Variants in KIF3C observed in about 807,000 individuals in gnomAD.
KIF3C encodes the protein kinesin-like protein KIF3C.
In KIF3C, 12 loss-of-function variants were observed where a neutral mutation model predicts 67.7. The observed-to-expected ratio is 0.18, with a 90% CI of 0.11 to 0.29. The LOEUF is 0.29. Ranked by LOEUF, KIF3C falls within the 10% of genes least tolerant of loss-of-function variation. The probability of loss-of-function intolerance (pLI) is 1.00; values close to 1 mark genes in which losing one functional copy is unlikely to be tolerated. For missense variants in KIF3C, 789 were observed against 1,059.6 expected (o/e 0.74, Z 3.55); for synonymous variants, 393 against 426.2 (o/e 0.92, Z 0.96).
At position 25,958,740 on chromosome 2, in the gene KIF3C, C is replaced by T. The variant is rs779766734; in HGVS notation, c.1546-2296G>A. ...CTCCCGGTTCCTCTTACTATTCATGCTCTGCGTATGCTCTGTACTCCAGCC... is the reference window on the plus strand; with the variant it reads ...CTCCCGGTTCCTCTTACTATTCATGTTCTGCGTATGCTCTGTACTCCAGCC... On this transcript the variant is annotated intron_variant, in intron 1 of 7. Coordinates refer to ENST00000264712, the MANE Select transcript of KIF3C (RefSeq NM_002254.8). This position sits in a 1 kb window ranked among gnomAD's most constrained non-coding sequence, Gnocchi z 4.5. Among the ~76,000 whole-genome samples the T allele has an allele frequency of 3.4e-4, 51 of 152,178 alleles. No individual in the cohort carries two copies. The highest frequency in any genetic ancestry group is 6.5e-4 in the Non-Finnish European group (44 of 68,032).
Position 25,981,734 on chromosome 2 carries a change from C to T in KIF3C, c.184G>A (p.Ala62Thr), listed in dbSNP as rs1664601098. Residue 62 changes from alanine to threonine, a missense_variant, in exon 1 of 8, where the codon GCC (alanine) becomes ACC (threonine). Transcript: ENST00000264712. The surrounding 1 kb of genome is among the most constrained non-coding windows in gnomAD (Gnocchi z 8.2). Reference protein sequence around the residue: ...GELPKTFTFDAVYDASSKQAD... With the variant: ...GELPKTFTFDTVYDASSKQAD... ...TGCTTGGAGCTGGCATCATACACGG[C>T]GTCAAAGGTGAAGGTCTTGGGCAGC... The T allele has an allele frequency of 6.2e-7, 1 of 1,613,300 alleles. No homozygotes were observed. The highest frequency in any genetic ancestry group is 1.7e-5 in the Admixed American group (1 of 59,964).
At chr2:25,971,968 C>G (rs1319943540) in intron 1 of KIF3C, among the ~76,000 whole-genome samples, 1 of 144,666 alleles carries the variant, frequency 6.9e-6, no homozygotes, top group Non-Finnish European at 1.5e-5. Flanking sequence ...CTCAAGTGAT[C>G]CTCCTACCTC....
At chr2:25,977,999 C>T (rs997370287) in intron 1 of KIF3C, among the ~76,000 whole-genome samples, 1 of 152,178 alleles carries the variant, frequency 6.6e-6, no homozygotes, top group Non-Finnish European at 1.5e-5. Context: ...ATCTGAACAC[C>T]TGGTACATAG....
chr2:25,969,722 T>C (rs1426470365), intron 1 of KIF3C, among the ~76,000 whole-genome samples: 2 of 139,940 alleles, frequency 1.4e-5, no homozygotes, highest in Non-Finnish European at 3.1e-5. Flanking sequence ...TGTTGGGTTT[T>C]TGTTTTTTTT....
chr2:25,969,116 G>C (rs1288096020), intron 1 of KIF3C, among the ~76,000 whole-genome samples: 1 of 152,082 alleles, frequency 6.6e-6, no homozygotes, highest in African/African-American at 2.4e-5. Context: ...GAGCCACCGC[G>C]TCCGGTCAGG....
At chr2:25,937,575 A>G (rs1298774837) in intron 5 of KIF3C, among the ~76,000 whole-genome samples, 1 of 152,120 alleles carries the variant, frequency 6.6e-6, no homozygotes, top group Non-Finnish European at 1.5e-5. Flanking sequence ...GGAGTGGGAA[A>G]ATTAGGAAAA....
chr2:25,952,748 G>C (rs1041577949), intron 4 of KIF3C, among the ~76,000 whole-genome samples: 2 of 151,574 alleles, frequency 1.3e-5, no homozygotes, highest in Non-Finnish European at 2.9e-5. Context: ...AGTAGAGATG[G>C]GGTTTCACCA....
At chr2:25,956,975 G>C (rs561902639) in intron 1 of KIF3C, among the ~76,000 whole-genome samples, 1 of 152,180 alleles carries the variant, frequency 6.6e-6, no homozygotes, top group African/African-American at 2.4e-5. Context: ...GGAACAGCAC[G>C]GGCCCAGCAC....
chr2:25,962,442 C>A (rs1362084526), intron 1 of KIF3C, among the ~76,000 whole-genome samples: 1 of 151,734 alleles, frequency 6.6e-6, no homozygotes, highest in Non-Finnish European at 1.5e-5. Context: ...TGCAATGGCA[C>A]GATCTCGGCT....
chr2:25,952,565 T>A (rs974947308), intron 4 of KIF3C, among the ~76,000 whole-genome samples: 12,189 of 106,438 alleles, frequency 0.11, 520 homozygotes, highest in African/African-American at 0.15. Context: ...ATATATATAT[T>A]TTTTTTTTTT....
At chr2:25,948,838 T>A (rs1370300129) in intron 5 of KIF3C, among the ~76,000 whole-genome samples, 1 of 151,984 alleles carries the variant, frequency 6.6e-6, no homozygotes, top group Non-Finnish European at 1.5e-5. Flanking sequence ...TGAGTCTGGA[T>A]CATGTGCTTG....
chr2:25,941,416 T>C (rs1216467145), intron 5 of KIF3C, among the ~76,000 whole-genome samples: 2 of 152,132 alleles, frequency 1.3e-5, no homozygotes, highest in African/African-American at 4.8e-5. Flanking sequence ...AGGGTATGGA[T>C]GCTGTCACAT....
chr2:25,964,467 A>T (rs557237474), intron 1 of KIF3C, among the ~76,000 whole-genome samples: 1 of 151,062 alleles, frequency 6.6e-6, no homozygotes, highest in Admixed American at 6.6e-5. Context: ...CTTTTTGGTG[A>T]TTTTTCTTTT....
Position 25,981,249 on chromosome 2 carries a change from A to G in KIF3C, c.669T>C (p.Thr223=). 1 of 1,614,150 alleles carries G rather than the reference A, an allele frequency of 6.2e-7. No individual in the cohort carries two copies. Among genetic ancestry groups the G allele is most frequent in the Non-Finnish European group, 8.5e-7 (1 of 1,180,010 alleles). The stretch of plus-strand genomic sequence containing the variant: ...CAGAGCCACGTTCGCTGCACTCCAC[A>G]GTGATGATGAAGATGGCATGGGAGC... ...SSRSHAIFII[T]VECSERGSDG... The change falls in exon 1 of 8, where the codon ACT becomes ACC. Residue 223 remains threonine (T), a synonymous_variant. Coordinates refer to ENST00000264712, the MANE Select transcript of KIF3C (RefSeq NM_002254.8). This position sits in a 1 kb window ranked among gnomAD's most constrained non-coding sequence, Gnocchi z 8.2.
At chr2:25,939,943 C>CT (rs1188059242) in intron 5 of KIF3C, among the ~76,000 whole-genome samples, 2 of 151,842 alleles carry the variant, frequency 1.3e-5, no homozygotes, top group Non-Finnish European at 2.9e-5. Flanking sequence ...GAGTAAAACT[C>CT]TGTCTCAAAA....
intron 1 of KIF3C, among the ~76,000 whole-genome samples, chr2:25,975,686 CA>C (rs937245547): frequency 5.0e-4 from 76 of 152,264 alleles, no homozygotes; most frequent in African/African-American, 1.8e-3. Flanking sequence ...AGGCCAGGTG[CA>C]GTGGCTCAGG....
intron 4 of KIF3C, among the ~76,000 whole-genome samples, chr2:25,952,545 GTGTGTATATA>G (rs766453215): frequency 2.5e-4 from 25 of 100,580 alleles, no homozygotes; most frequent in African/African-American, 8.0e-4. Context: ...GTGTGTGTGT[GTGTGTATATA>G]TATATATATT....
At chr2:25,942,989 C>T (rs908404463) in intron 5 of KIF3C, among the ~76,000 whole-genome samples, 2 of 152,166 alleles carry the variant, frequency 1.3e-5, no homozygotes, top group African/African-American at 4.8e-5. Context: ...TCTAATGGGA[C>T]AGCATGACTT....
chr2:25,929,392 G>A lies in KIF3C; in HGVS notation c.2201C>T (p.Pro734Leu). The A allele has an allele frequency of 1.2e-6, 2 of 1,614,128 alleles. No homozygotes were observed. Among genetic ancestry groups the A allele is most frequent in the Non-Finnish European group, 1.7e-6 (2 of 1,179,984 alleles). The change falls in exon 7 of 8, where the codon CCT becomes CTT. Residue 734 changes from proline to leucine, a missense_variant. Transcript: ENST00000264712. ...GAGCCTCTCCATGTGTAGCGCACGA[G>A]GGTCTTGTTCTTGGTCGTGAGAGAA... is the stretch of plus-strand genomic sequence containing the variant. ...MEFSHDQEQDPRALHMERLMR... is the reference protein window; with the variant it reads ...MEFSHDQEQDLRALHMERLMR...
Sources: gnomAD v4.1 joint callset for allele counts (sites outside exome capture counted in the v4.1 genomes callset) on GRCh38, gnomAD v4.1.1 for gene constraint, Gnocchi (gnomAD v3.1) non-coding constraint, MANE v1.5 for transcripts, NCBI Gene and HGNC (gene_info 2026-07-23, HGNC 2026-07-21) for gene names.